PTCSC3: variants seen among roughly 807,000 people sequenced by gnomAD.
PTCSC3 encodes papillary thyroid carcinoma susceptibility candidate 3 (non-protein coding).
At chr14:36,159,211 A>AT (rs199787550) in intron 2 of PTCSC3, among the ~76,000 whole-genome samples, 4,499 of 80,714 alleles carry the variant, frequency 0.056, 180 homozygotes, top group Admixed American at 0.18. Flanking sequence ...GGATTCATTG[A>AT]TTTTTTGAAG....
At chr14:36,174,655 A>G (rs1423581193) in intron 1 of PTCSC3, among the ~76,000 whole-genome samples, 1 of 152,158 alleles carries the variant, frequency 6.6e-6, no homozygotes, top group Non-Finnish European at 1.5e-5. Flanking sequence ...CATTGCTAGT[A>G]TAGATCTGTG....
intron 1 of PTCSC3, among the ~76,000 whole-genome samples, chr14:36,172,491 G>A (rs755773296): frequency 3.9e-4 from 60 of 152,026 alleles, no homozygotes; most frequent in Non-Finnish European, 5.3e-4. Context: ...AACTACCAGA[G>A]CCACTAGAAA....
At chr14:36,159,604 G>C (rs1431712778) in intron 2 of PTCSC3, among the ~76,000 whole-genome samples, 1 of 152,156 alleles carries the variant, frequency 6.6e-6, no homozygotes, top group Non-Finnish European at 1.5e-5. Flanking sequence ...TGTGGTATGA[G>C]ATATTGTTTG....
chr14:36,161,884 C>G (rs1288021019), intron 2 of PTCSC3, among the ~76,000 whole-genome samples: 3 of 152,204 alleles, frequency 2.0e-5, no homozygotes, highest in Admixed American at 6.5e-5. Flanking sequence ...GGGCTGCTGC[C>G]TTTCTTTCAG....
chr14:36,165,697 G>A (rs965075090), intron 1 of PTCSC3, among the ~76,000 whole-genome samples: 13 of 149,924 alleles, frequency 8.7e-5, no homozygotes, highest in African/African-American at 3.2e-4. Context: ...AGATAGATGG[G>A]TATTTCCTGA....
intron 3 of PTCSC3, among the ~76,000 whole-genome samples, chr14:36,137,026 G>T (rs917798125): frequency 1.3e-5 from 2 of 151,556 alleles, no homozygotes; most frequent in African/African-American, 4.9e-5. Context: ...TACATGCAGT[G>T]TTTCTTTTTT....
intron 1 of PTCSC3, chr14:36,176,158 C>T (rs1427393146): frequency 6.6e-6 from 1 of 151,900 alleles, no homozygotes; most frequent in Non-Finnish European, 1.5e-5. Flanking sequence ...TTTCAGAGGC[C>T]AAAACAGTAT....
At chr14:36,172,189 G>A (rs1882204783) in intron 1 of PTCSC3, among the ~76,000 whole-genome samples, 1 of 152,084 alleles carries the variant, frequency 6.6e-6, no homozygotes, top group Non-Finnish European at 1.5e-5. Flanking sequence ...CAGGGGTTGG[G>A]TTGGACATGT....
chr14:36,149,410 T>C (rs1420554349), intron 3 of PTCSC3, among the ~76,000 whole-genome samples: 1 of 152,230 alleles, frequency 6.6e-6, no homozygotes, highest in African/African-American at 2.4e-5. Context: ...GTGGTCTATC[T>C]TGGTGAATGT....
chr14:36,147,097 T>A (rs904109918), intron 3 of PTCSC3, among the ~76,000 whole-genome samples: 1 of 152,172 alleles, frequency 6.6e-6, no homozygotes, highest in Non-Finnish European at 1.5e-5. Flanking sequence ...CCCTTAACAT[T>A]TTTTCCTTCA....
At chr14:36,135,881 G>A (rs1260872904), downstream of PTCSC3, among the ~76,000 whole-genome samples, 1 of 151,394 alleles carries the variant, frequency 6.6e-6, no homozygotes, top group African/African-American at 2.4e-5. Flanking sequence ...ATATATGTGT[G>A]TGTGTGTGTA....
intron 3 of PTCSC3, among the ~76,000 whole-genome samples, chr14:36,148,894 TAA>T (rs1881657145): frequency 6.6e-6 from 1 of 152,000 alleles, no homozygotes; most frequent in Non-Finnish European, 1.5e-5. Flanking sequence ...CTGATACTAA[TAA>T]TTTATTTTTA....
At chr14:36,159,922 T>C (rs1190491887) in intron 2 of PTCSC3, among the ~76,000 whole-genome samples, 1 of 152,184 alleles carries the variant, frequency 6.6e-6, no homozygotes, top group Non-Finnish European at 1.5e-5. Flanking sequence ...ACTGGGTGCA[T>C]ATATATTTAG....
At position 36,151,134 on chromosome 14, in the gene PTCSC3, G is replaced by C. The variant is rs1881712692; in HGVS notation, n.322+2670C>G. ...CCTTTATAATTTTTTCACTTTTGAAGGATATTTTCACTGGATATAGAAATC... is the reference window on the plus strand; with the variant it reads ...CCTTTATAATTTTTTCACTTTTGAACGATATTTTCACTGGATATAGAAATC... On this transcript the variant is annotated intron_variant and non_coding_transcript_variant, in intron 3 of 3. Coordinates refer to ENST00000556013, the Ensembl canonical transcript of PTCSC3. Among the ~76,000 whole-genome samples, 3 of 151,856 alleles carry C rather than the reference G, an allele frequency of 2.0e-5. No homozygotes were observed. The South Asian group carries it at 6.2e-4, about 32-fold the overall frequency.
At chr14:36,165,293 C>A (rs1882064070) in intron 1 of PTCSC3, 1 of 152,192 alleles carries the variant, frequency 6.6e-6, no homozygotes, top group Non-Finnish European at 1.5e-5. Context: ...ACACTTAGAA[C>A]AGGTAAGTGT....
chr14:36,141,927 C>T (rs961616121), intron 3 of PTCSC3, among the ~76,000 whole-genome samples: 4 of 152,076 alleles, frequency 2.6e-5, no homozygotes, highest in African/African-American at 7.2e-5. Flanking sequence ...CTTATTAATT[C>T]CAGGAATTTT....
chr14:36,171,028 CATAA>C (rs1384094528), intron 1 of PTCSC3, among the ~76,000 whole-genome samples: 1 of 152,126 alleles, frequency 6.6e-6, no homozygotes, highest in Non-Finnish European at 1.5e-5. Context: ...TTTTCAACTA[CATAA>C]ATAAATTGGC....
At chr14:36,164,301 C>T (rs1882039445) in intron 1 of PTCSC3, 1 of 152,028 alleles carries the variant, frequency 6.6e-6, no homozygotes, top group African/African-American at 2.4e-5. Context: ...ATGTTTGCCA[C>T]AAAATTAGAG....
chr14:36,143,680 A>C (rs12881662), intron 3 of PTCSC3, among the ~76,000 whole-genome samples: 62,737 of 136,648 alleles, frequency 0.46, 13,548 homozygotes, highest in Non-Finnish European at 0.56. Context: ...CCATTTGTCA[A>C]TTTTGGCTTT....
Sources: allele counts gnomAD v4.1 joint callset (sites outside exome capture counted in the v4.1 genomes callset), GRCh38; gene constraint gnomAD v4.1.1; transcripts MANE v1.5; gene names NCBI Gene and HGNC (gene_info 2026-07-23, HGNC 2026-07-21).